Variants in BACE2 observed in about 807,000 individuals in gnomAD.
BACE2 encodes beta-secretase 2, also known as 56 kDa aspartic-like protease.
A neutral mutation model predicts 46.2 loss-of-function variants in BACE2; 17 were observed. The ratio of observed to expected loss-of-function variants is 0.37; its 90% CI spans 0.25 to 0.55. The LOEUF (loss-of-function observed/expected upper bound fraction) is 0.55, where lower values mean the gene tolerates loss of function less well. Among genes scored for constraint, BACE2 ranks in the 20% least tolerant of loss-of-function variants. The pLI is 0.82. For synonymous variants in BACE2, 277 were observed against 295.9 expected (o/e 0.94, Z 0.66); for missense variants, 595 against 698.1 (o/e 0.85, Z 1.66).
intron 2 of BACE2, among the ~76,000 whole-genome samples, chr21:41,232,159 G>A (rs1986983228): frequency 6.6e-6 from 1 of 151,898 alleles, no homozygotes; most frequent in Non-Finnish European, 1.5e-5. Flanking sequence ...CATTTCAAGT[G>A]TTCATTAGTC....
At chr21:41,247,086 G>A (rs113860418) in intron 6 of BACE2, among the ~76,000 whole-genome samples, 2,084 of 152,280 alleles carry the variant, frequency 0.014, 39 homozygotes, top group African/African-American at 0.044. Flanking sequence ...CTGGCGTGGG[G>A]CTGATTGTCC....
chr21:41,275,705 G>A lies in BACE2; in HGVS notation c.*81G>A. On this transcript the variant is annotated 3_prime_UTR_variant, in exon 9 of 9. Transcript: ENST00000330333. ...TCCAGGGCAGCAGCCGGGATCGATG[G>A]TGGCGCTTTCTCCTGTGCCCACCCG... The A allele has an allele frequency of 6.5e-7, 1 of 1,540,208 alleles. No homozygotes were observed.
intron 1 of BACE2, among the ~76,000 whole-genome samples, chr21:41,190,941 G>A (rs1175778584): frequency 6.6e-6 from 1 of 152,174 alleles, no homozygotes; most frequent in Non-Finnish European, 1.5e-5. Context: ...AGTTTAATGG[G>A]ATTGTTGTTG....
At chr21:41,243,164 A>C (rs1221659628) in intron 4 of BACE2, among the ~76,000 whole-genome samples, 3 of 152,174 alleles carry the variant, frequency 2.0e-5, no homozygotes, top group Non-Finnish European at 4.4e-5. Flanking sequence ...CGCCCACCTC[A>C]GCCTCCCAAA....
At position 41,259,877 on chromosome 21, in the gene BACE2, G is replaced by C. The variant is rs7284034; in HGVS notation, c.1303+2551G>C. ...GGGTCTTGCTCTGTCACTCAGGCTAGAGTAGAGTGCAGTGGCATGATCAGG... is the reference window on the plus strand; with the variant it reads ...GGGTCTTGCTCTGTCACTCAGGCTACAGTAGAGTGCAGTGGCATGATCAGG... On this transcript the variant is annotated intron_variant, in intron 8 of 8. Transcript: ENST00000330333. Among the ~76,000 whole-genome samples, 558 of 151,936 alleles carry C rather than the reference G, an allele frequency of 3.7e-3. 6 individuals carry two copies. Among genetic ancestry groups the C allele is most frequent in the African/African-American group, 0.012 (517 of 41,398 alleles).
intron 3 of BACE2, among the ~76,000 whole-genome samples, chr21:41,239,031 C>G (rs1987214725): frequency 6.6e-6 from 1 of 151,076 alleles, no homozygotes; most frequent in African/African-American, 2.4e-5. Context: ...GTACCACGCC[C>G]TGGCCTCACC....
chr21:41,248,555 G>A (rs1987540802), intron 6 of BACE2, among the ~76,000 whole-genome samples: 1 of 152,206 alleles, frequency 6.6e-6, no homozygotes, highest in Admixed American at 6.5e-5. Context: ...TCTGAGAAGG[G>A]GCTCTCCCTG....
At chr21:41,255,703 G>T (rs1987766697) in intron 7 of BACE2, among the ~76,000 whole-genome samples, 1 of 152,188 alleles carries the variant, frequency 6.6e-6, no homozygotes, top group South Asian at 2.1e-4. Context: ...CTGCTGGGCA[G>T]ATAGCCAGAT....
chr21:41,181,898 A>T, intron 1 of BACE2: 1 of 167,144 alleles, frequency 6.0e-6, no homozygotes. Flanking sequence ...AATTTTTGAA[A>T]TATTTACTGT....
chr21:41,177,266 T>C (rs1984889791), intron 1 of BACE2: 1 of 152,232 alleles, frequency 6.6e-6, no homozygotes, highest in African/African-American at 2.4e-5. Context: ...GCCTCACAAC[T>C]CACATCTCTA....
rs2088516685 is a variant in BACE2 at position 41,278,836 on chromosome 21, C to T, written c.*3212C>T. 2 of 152,136 alleles carry T rather than the reference C, an allele frequency of 1.3e-5. No homozygotes were observed. Among genetic ancestry groups the T allele is most frequent in the African/African-American group, 4.8e-5 (2 of 41,422 alleles). 9.4% of individuals were successfully genotyped at this position (152,136 alleles called of 1,614,324 possible). ...GTTCTGGACTAGTGCCACTCGATAT[C>T]ATTGGGAATAAATCGTTGTTCAACA... On this transcript the variant is annotated 3_prime_UTR_variant, in exon 9 of 9. Transcript: ENST00000330333.
At chr21:41,219,599 C>T (rs1178202074) in intron 1 of BACE2, among the ~76,000 whole-genome samples, 1 of 152,150 alleles carries the variant, frequency 6.6e-6, no homozygotes, top group African/African-American at 2.4e-5. Flanking sequence ...GAACCCTGTC[C>T]TTCAGGAATA....
At chr21:41,231,500 T>C (rs953383923) in intron 2 of BACE2, among the ~76,000 whole-genome samples, 3 of 152,226 alleles carry the variant, frequency 2.0e-5, no homozygotes, top group African/African-American at 4.8e-5. Flanking sequence ...GATTGAACTC[T>C]AGAATTCTGC....
chr21:41,221,274 G>A (rs948089879), intron 1 of BACE2, among the ~76,000 whole-genome samples: 1 of 152,118 alleles, frequency 6.6e-6, no homozygotes, highest in South Asian at 2.1e-4. Flanking sequence ...CAGGACTGTC[G>A]TTCATTCCTC....
chr21:41,276,741 C>A lies in BACE2; in HGVS notation c.*1117C>A, dbSNP rs754707645. ...GAAGATGCAAGATGTGCAGAAGACA[C>A]AAGGTAACGTCTACTTATCCCCGTG... On this transcript the variant is annotated 3_prime_UTR_variant, in exon 9 of 9. Transcript: ENST00000330333. The A allele has an allele frequency of 5.3e-5, 8 of 152,244 alleles. No individual in the cohort carries two copies. The highest frequency in any genetic ancestry group is 8.8e-5 in the Non-Finnish European group (6 of 68,062). 9.4% of individuals were successfully genotyped at this position (152,244 alleles called of 1,614,324 possible).
At chr21:41,224,375 C>T (rs1422074030) in intron 1 of BACE2, among the ~76,000 whole-genome samples, 21 of 151,928 alleles carry the variant, frequency 1.4e-4, no homozygotes, top group Admixed American at 1.4e-3. Flanking sequence ...CCACCACGTC[C>T]GGCTAATTTT....
chr21:41,191,305 A>G (rs1292419298), intron 1 of BACE2, among the ~76,000 whole-genome samples: 1 of 152,238 alleles, frequency 6.6e-6, no homozygotes, highest in Non-Finnish European at 1.5e-5. Flanking sequence ...TGGTGAGACC[A>G]GTGCATTCCA....
intron 1 of BACE2, among the ~76,000 whole-genome samples, chr21:41,221,070 G>T (rs1047214103): frequency 4.7e-5 from 7 of 149,664 alleles, no homozygotes; most frequent in Non-Finnish European, 7.4e-5. Context: ...AAACAGTAGA[G>T]TGCCTTTGCC....
In BACE2 at chr21:41,277,711, A is replaced by G. The variant is rs193249342; in HGVS notation, c.*2087A>G. 5 of 152,364 alleles carry G rather than the reference A, an allele frequency of 3.3e-5. No individual in the cohort carries two copies. Among genetic ancestry groups the G allele is most frequent in the Non-Finnish European group, 7.3e-5 (5 of 68,042 alleles). The allele number at this position is 152,364 out of a possible 1,614,324, so 9.4% of individuals were successfully genotyped here. ...GTTCCGTTGTATTGTGTTAGGTTTC[A>G]GAGGCGGGGAGCTTCCTCCTGCAGC... On this transcript the variant is annotated 3_prime_UTR_variant, in exon 9 of 9. Transcript: ENST00000330333.
Sources: gnomAD v4.1 joint callset for allele counts (sites outside exome capture counted in the v4.1 genomes callset) on GRCh38, gnomAD v4.1.1 for gene constraint, MANE v1.5 for transcripts, NCBI Gene and HGNC (gene_info 2026-07-23, HGNC 2026-07-21) for gene names.